Variants in FBN3 observed in about 807,000 individuals in gnomAD.
FBN3 encodes the protein fibrillin 3.
A neutral mutation model predicts 330.1 loss-of-function variants in FBN3; 234 were observed. The observed-to-expected ratio is 0.71, with a 90% CI of 0.64 to 0.79. The LOEUF (loss-of-function observed/expected upper bound fraction) is 0.79. Ranked by LOEUF, FBN3 falls within the 30% of genes least tolerant of loss-of-function variation. FBN3 has a pLI of 0.00. For missense variants in FBN3, 3,606 were observed against 3,886.9 expected, an observed-to-expected ratio of 0.93 and a Z score of 1.92; for synonymous variants, 1,458 against 1,517.3, an observed-to-expected ratio of 0.96 and a Z score of 0.91.
At position 8,132,561 on chromosome 19, in the gene FBN3, G is replaced by A. The variant is rs564423995; in HGVS notation, c.1714+423C>T. 1.3e-4 allele frequency among the ~76,000 whole-genome samples: 19 copies of A among 150,780 alleles called. No individual in the cohort carries two copies. The South Asian group carries it at 2.7e-3, about 22-fold the overall frequency. ...GGCTGGAGTGCAATGGCGCGATCTC[G>A]GCTCACTGCAACCTCTACCTCCCAG... is the stretch of plus-strand genomic sequence containing the variant. On this transcript the variant is annotated intron_variant, in intron 14 of 63. Coordinates refer to ENST00000600128, the MANE Select transcript of FBN3 (RefSeq NM_032447.5).
rs1325892792 is a variant in FBN3 at position 8,115,145 on chromosome 19, G to A, written c.3838+370C>T. Among the ~76,000 whole-genome samples, 6 of 152,246 alleles carry A rather than the reference G, an allele frequency of 3.9e-5. No homozygotes were observed. The East Asian group carries it at 5.8e-4, about 15-fold the overall frequency. On this transcript the variant is annotated intron_variant, in intron 30 of 63. Coordinates refer to ENST00000600128, the MANE Select transcript of FBN3 (RefSeq NM_032447.5). The stretch of plus-strand genomic sequence containing the variant: ...GCTGGGATTACAGGCATGAGCCACC[G>A]CGCCCGGCCCAGAGAATCAATTTCT...
rs573811978 is a variant in FBN3, at chr19:8,065,582, C to T, written c.*337G>A. ...CATGTCCTGCCAACCCCCTGCCCCC[C>T]GCCAGGGCAAGCCACAGTGCAGTAC... On this transcript the variant is annotated 3_prime_UTR_variant, in exon 64 of 64. Coordinates refer to ENST00000600128, the MANE Select transcript of FBN3 (RefSeq NM_032447.5). 1.9e-4 allele frequency: 54 copies of T among 281,950 alleles called. No homozygotes were observed. The Middle Eastern group carries it at 6.9e-3, about 36-fold the overall frequency. 17.5% of individuals were successfully genotyped at this position (281,950 alleles called of 1,614,324 possible). A position where few individuals can be genotyped will look rare whatever the true frequency, so the allele number is the denominator to read the frequency against.
At chr19:8,077,543 G>A (rs1599272471) in intron 59 of FBN3, among the ~76,000 whole-genome samples, 1 of 152,136 alleles carries the variant, frequency 6.6e-6, no homozygotes, top group Non-Finnish European at 1.5e-5. Context: ...GGAGGCTGAG[G>A]TGGGAGAATC....
At position 8,065,637 on chromosome 19, in the gene FBN3, C is replaced by T. The variant is rs1016898730; in HGVS notation, c.*282G>A. The T allele has an allele frequency of 4.2e-5, 19 of 451,362 alleles. No homozygotes were observed. In the South Asian group the frequency reaches 5.7e-4, roughly 13 times the overall value. 28.0% of individuals were successfully genotyped at this position (451,362 alleles called of 1,614,324 possible). ...GTGAAAGCCTGAGATTGGCCAGACA[C>T]GGTGACCACAGGGCCTCTTCCTGAC... On this transcript the variant is annotated 3_prime_UTR_variant, in exon 64 of 64. Coordinates refer to ENST00000600128, the MANE Select transcript of FBN3 (RefSeq NM_032447.5).
At position 8,142,218 on chromosome 19, in the gene FBN3, G is replaced by A. The variant is rs113989445; in HGVS notation, c.542-81C>T. 1.8e-3 allele frequency: 2,099 copies of A among 1,138,852 alleles called. 23 individuals carry two copies. In the African/African-American group the frequency reaches 0.025, roughly 14 times the overall value. 70.5% of individuals were successfully genotyped at this position (1,138,852 alleles called of 1,614,324 possible). A position where few individuals can be genotyped will look rare whatever the true frequency, so the allele number is the denominator to read the frequency against. On this transcript the variant is annotated intron_variant, in intron 6 of 63. Coordinates refer to ENST00000600128, the MANE Select transcript of FBN3 (RefSeq NM_032447.5). Reference sequence around the variant, plus strand: ...TCTGCGTCTCTAACACCTTCTCAGCGGCCCCTGCACCCACAGACCAGGCTT... The same window carrying A: ...TCTGCGTCTCTAACACCTTCTCAGCAGCCCCTGCACCCACAGACCAGGCTT...
At chr19:8,093,691 G>A (rs1443632370) in intron 47 of FBN3, among the ~76,000 whole-genome samples, 1 of 152,180 alleles carries the variant, frequency 6.6e-6, no homozygotes, top group African/African-American at 2.4e-5. Flanking sequence ...GGAGGCTGAG[G>A]CAGGAGAATC....
At position 8,121,625 on chromosome 19, in the gene FBN3, G is replaced by A. The variant is rs1404197435; in HGVS notation, c.3083-239C>T. On this transcript the variant is annotated intron_variant, in intron 24 of 63. Transcript: ENST00000600128. This position sits in a 1 kb window ranked among gnomAD's most constrained non-coding sequence, Gnocchi z 4.5. ...GCCCCCAAAAGGAGCCGAGGAAATG[G>A]AGGAACCCCAAACTAAACATGACAA... Among the ~76,000 whole-genome samples the A allele has an allele frequency of 1.3e-5, 2 of 152,234 alleles. No homozygotes were observed. The highest frequency in any genetic ancestry group is 4.8e-5 in the African/African-American group (2 of 41,466).
In FBN3 at chr19:8,085,366, G is replaced by A. The variant is rs747136319; in HGVS notation, c.7084C>T (p.Arg2362Ter). The change falls in exon 56 of 64, where the codon CGA (arginine) becomes TGA (stop). Residue 2362 changes from arginine (R) to a stop codon, truncating the protein, a stop_gained. Transcript: ENST00000600128. LOFTEE classifies it high-confidence loss of function. ...TCCTGAGGGCATGGGCACCCACCTC[G>A]GCCCTCAGCAGTGTAGCCTGAGCCA... The part of the protein sequence containing the change: ...PHGSGYTAEG[R>*]DVDECRMLAH... 10 of 1,569,284 alleles carry A rather than the reference G, an allele frequency of 6.4e-6. No homozygotes were observed. The highest frequency in any genetic ancestry group is 5.4e-5 in the African/African-American group (4 of 73,546).
chr19:8,109,454 CATGT>C lies in FBN3; in HGVS notation c.4457-70_4457-67del. 2.5e-6 allele frequency: 4 copies of C among 1,581,022 alleles called. No individual in the cohort carries two copies. In the South Asian group the frequency reaches 3.4e-5, roughly 13 times the overall value. ...AAAGCTGTATGTGTGCGTGTGCATG[CATGT>C]GTCTATTTCAACAGGTGACAAGGAC... On this transcript the variant is annotated intron_variant, in intron 35 of 63. Transcript: ENST00000600128. The surrounding 1 kb of genome is among the most constrained non-coding windows in gnomAD (Gnocchi z 5.2).
chr19:8,116,740 G>C lies in FBN3; in HGVS notation c.3646C>G (p.Pro1216Ala), dbSNP rs111247614. 1.9e-5 allele frequency: 30 copies of C among 1,614,080 alleles called. No individual in the cohort carries two copies. In the African/African-American group the frequency reaches 2.3e-4, roughly 12 times the overall value. ...TAGCACAGGCAGCGGTGACCCCCTG[G>C]CATGTTGGTGCAGTGGCCTTGGTCA... ...VCDQGHCTNM[P>A]GGHRCLCYDG... Residue 1216 changes from proline (P) to alanine (A), a missense_variant, in exon 29 of 64, where the codon CCA becomes GCA. Physicochemically the swap from Pro to Ala is conservative, Grantham distance 27 (BLOSUM62 -1). Coordinates refer to ENST00000600128, the MANE Select transcript of FBN3 (RefSeq NM_032447.5).
Position 8,073,256 on chromosome 19 carries a change from C to T in FBN3, c.7744G>A (p.Ala2582Thr), listed in dbSNP as rs564634841. Residue 2582 changes from alanine (A) to threonine (T), a missense_variant, in exon 62 of 64, where the codon GCC becomes ACC. Ala to Thr is a moderately conservative substitution (Grantham distance 58). Coordinates refer to ENST00000600128, the MANE Select transcript of FBN3 (RefSeq NM_032447.5). ...CCACCAAGAGTGTTGCGACAGGAGG[C>T]GCTCCCGCAGGTGGGGGGCGACAGG... ...CALSPPTCGS[A>T]SCRNTLGGFR... is the part of the protein sequence containing the mutation. 2.7e-5 allele frequency: 44 copies of T among 1,613,834 alleles called. No individual in the cohort carries two copies. In the East Asian group the frequency reaches 7.6e-4, roughly 28 times the overall value.
At chr19:8,133,317 G>A (rs1408211452) in intron 13 of FBN3, among the ~76,000 whole-genome samples, 1 of 152,240 alleles carries the variant, frequency 6.6e-6, no homozygotes, top group African/African-American at 2.4e-5. Context: ...TCTTACTCAG[G>A]CTGCAATACA....
Position 8,121,322 on chromosome 19 carries a change from G to T in FBN3, c.3147C>A (p.Gly1049=). Residue 1049 remains glycine, a synonymous_variant, in exon 25 of 64, where the codon GGC becomes GGA. Coordinates refer to ENST00000600128, the MANE Select transcript of FBN3 (RefSeq NM_032447.5). The surrounding 1 kb of genome is among the most constrained non-coding windows in gnomAD (Gnocchi z 4.5). ...CGQGTCVNTP[G]SFECECFPGY... ...CGGGAAAACACTCGCACTCAAAGCTGCCCGGCGTGTTGACACAGGTGCCCT... is the reference window on the plus strand; with the variant it reads ...CGGGAAAACACTCGCACTCAAAGCTTCCCGGCGTGTTGACACAGGTGCCCT... The T allele has an allele frequency of 6.2e-7, 1 of 1,613,454 alleles. No homozygotes were observed. The highest frequency in any genetic ancestry group is 8.5e-7 in the Non-Finnish European group (1 of 1,179,640).
At chr19:8,114,877 A>G (rs2082672531) in intron 30 of FBN3, among the ~76,000 whole-genome samples, 1 of 150,426 alleles carries the variant, frequency 6.6e-6, no homozygotes, top group African/African-American at 2.5e-5. Flanking sequence ...GAATTTACTT[A>G]TTTTCTTTTG....
chr19:8,112,211 A>C, intron 30 of FBN3, 112 bp from the exon 31 acceptor site: 1 of 1,154,662 alleles, frequency 8.7e-7, no homozygotes, highest in Non-Finnish European at 1.2e-6. Context: ...CTGGCCCAGA[A>C]AGCCTCCTCC....
chr19:8,127,406 C>G (rs12327845), intron 18 of FBN3, among the ~76,000 whole-genome samples: 1 of 151,984 alleles, frequency 6.6e-6, no homozygotes, highest in South Asian at 2.1e-4. Flanking sequence ...CAGAATACAT[C>G]AGTGATCAGA....
rs140829154 is a variant in FBN3, at chr19:8,143,940, G to A, written c.541+937C>T. On this transcript the variant is annotated intron_variant, in intron 6 of 63. Transcript: ENST00000600128. ...TCATGCAATCCTCCCACTTCAGCCT[G>A]AGACTACAGATATGCACCACCATGC... Among the ~76,000 whole-genome samples the A allele has an allele frequency of 1.3e-3, 193 of 151,764 alleles. 2 individuals carry two copies. The East Asian group carries it at 0.03, about 23-fold the overall frequency.
chr19:8,130,627 A>AAG (rs765406981), intron 16 of FBN3, among the ~76,000 whole-genome samples: 348 of 29,640 alleles, frequency 0.012, 141 homozygotes, highest in Non-Finnish European at 0.019. Flanking sequence ...AAAGAAAGAA[A>AAG]GAAAGAAAGA....
intron 42 of FBN3, 118 bp downstream of exon 42, chr19:8,097,171 C>T: frequency 1.4e-6 from 2 of 1,475,678 alleles, no homozygotes; most frequent in Non-Finnish European, 1.8e-6. Flanking sequence ...AAGGTGTTAG[C>T]CCATTATACA....
Sources: gnomAD v4.1 joint callset for allele counts (sites outside exome capture counted in the v4.1 genomes callset) on GRCh38, gnomAD v4.1.1 for gene constraint, Gnocchi (gnomAD v3.1) non-coding constraint, MANE v1.5 for transcripts, NCBI Gene and HGNC (gene_info 2026-07-23, HGNC 2026-07-21) for gene names.